The following ARHGAP44 variants were observed in gnomAD, a reference collection of about 807,000 sequenced individuals.
ARHGAP44 encodes Rho GTPase activating protein 44.
Under a neutral mutation model 106.8 loss-of-function variants are expected in ARHGAP44, and 43 were observed. The ratio of observed to expected loss-of-function variants is 0.40; its 90% CI spans 0.32 to 0.52. The LOEUF is 0.52. Ranked by LOEUF, ARHGAP44 falls within the 20% of genes least tolerant of loss-of-function variation. The probability of loss-of-function intolerance (pLI) is 0.48; values close to 1 mark genes in which losing one functional copy is unlikely to be tolerated. For missense variants in ARHGAP44, 866 were observed against 1,050.5 expected (o/e 0.82, Z 2.43); for synonymous variants, 439 against 410.3 (o/e 1.07, Z -0.85).
At chr17:12,889,998 G>A (rs1266867516) in intron 1 of ARHGAP44, among the ~76,000 whole-genome samples, 2 of 152,212 alleles carry the variant, frequency 1.3e-5, no homozygotes, top group African/African-American at 4.8e-5. Flanking sequence ...TGGAGGTTTT[G>A]ACCTCAAAGC....
chr17:12,883,838 C>T (rs1342625097), intron 1 of ARHGAP44, among the ~76,000 whole-genome samples: 1 of 151,998 alleles, frequency 6.6e-6, no homozygotes, highest in Non-Finnish European at 1.5e-5. Flanking sequence ...CTTTTCAAAT[C>T]CTCTATGTCC....
rs1165064524 is a variant in ARHGAP44, at chr17:12,989,119, A to AC, written c.2318-913_2318-912insC. ...CCCCCCCCAAAAAAAAAAAAAAAAA[A>AC]AAAAAACTAAGCAGGCGGAGGAAGG... On this transcript the variant is annotated intron_variant, in intron 20 of 20. Transcript: ENST00000379672. Among the ~76,000 whole-genome samples, 203 of 146,756 alleles carry AC rather than the reference A, an allele frequency of 1.4e-3. 1 individual carries two copies. Among genetic ancestry groups the AC allele is most frequent in the African/African-American group, 4.8e-3 (193 of 40,088 alleles).
rs1598173210 is a variant in ARHGAP44, at chr17:12,989,101, C to CGAAAAAAAAAA, written c.2318-931_2318-930insGAAAAAAAAAA. Among the ~76,000 whole-genome samples, 132 of 45,156 alleles carry CGAAAAAAAAAA rather than the reference C, an allele frequency of 2.9e-3. 4 individuals carry two copies. The highest frequency in any genetic ancestry group is 9.4e-3 in the African/African-American group (110 of 11,742). The allele number at this position is 45,156 out of a possible 152,430, so 29.6% of individuals were successfully genotyped here. A position where few individuals can be genotyped will look rare whatever the true frequency, so the allele number is the denominator to read the frequency against. On this transcript the variant is annotated intron_variant, in intron 20 of 20. Transcript: ENST00000379672. Reference sequence around the variant, plus strand: ...GACAAGAGCGAAACTCCACCCCCCCCAAAAAAAAAAAAAAAAAAAAAAAAC... The same window carrying CGAAAAAAAAAA: ...GACAAGAGCGAAACTCCACCCCCCCCGAAAAAAAAAAAAAAAAAAAAAAAAAAAAAAAAAAC...
chr17:12,989,574 AGAGT>A (rs1414834110), intron 20 of ARHGAP44, among the ~76,000 whole-genome samples: 1 of 152,174 alleles, frequency 6.6e-6, no homozygotes, highest in East Asian at 1.9e-4. Context: ...GCTGTTTCTT[AGAGT>A]GAGGACACTG....
At chr17:12,966,584 CG>C (rs1373845069) in intron 16 of ARHGAP44, among the ~76,000 whole-genome samples, 2 of 152,152 alleles carry the variant, frequency 1.3e-5, no homozygotes, top group Non-Finnish European at 2.9e-5. Flanking sequence ...CTTTGCTGTC[CG>C]GGACATCATC....
chr17:12,978,036 C>CAAAAAAAAAAAAAAAAAAAAAAA (rs1157325814), intron 18 of ARHGAP44, among the ~76,000 whole-genome samples: 7 of 89,296 alleles, frequency 7.8e-5, no homozygotes, highest in African/African-American at 2.4e-4. Flanking sequence ...GACTCCATCT[C>CAAAAAAAAAAAAAAAAAAAAAAA]AAAAAAAAAA....
intron 1 of ARHGAP44, among the ~76,000 whole-genome samples, chr17:12,841,634 AC>A (rs372870866): frequency 0.12 from 13,702 of 116,776 alleles, 731 homozygotes; most frequent in East Asian, 0.17. Context: ...ACACACACAC[AC>A]ACACAAACAA....
chr17:12,959,127 G>A (rs1658326031), intron 16 of ARHGAP44: 2 of 530,992 alleles, frequency 3.8e-6, no homozygotes, highest in Non-Finnish European at 6.8e-6. Flanking sequence ...GTTGTGATCA[G>A]TATTAATTAG....
intron 1 of ARHGAP44, among the ~76,000 whole-genome samples, chr17:12,865,377 A>C (rs1043786093): frequency 2.0e-5 from 3 of 152,208 alleles, no homozygotes; most frequent in East Asian, 3.8e-4. Context: ...TTACTCTTGT[A>C]ACTTATTAAG....
chr17:12,873,907 AAAT>A (rs2036473969), intron 1 of ARHGAP44, among the ~76,000 whole-genome samples: 1 of 31,876 alleles, frequency 3.1e-5, no homozygotes, highest in African/African-American at 8.0e-5. Context: ...CAGTCTCAAA[AAAT>A]AAATAAATAA....
chr17:12,836,864 A>G (rs1225225775), intron 1 of ARHGAP44, among the ~76,000 whole-genome samples: 3 of 152,212 alleles, frequency 2.0e-5, no homozygotes, highest in African/African-American at 7.2e-5. Context: ...TATTGATAGA[A>G]TCAGTTCACA....
intron 20 of ARHGAP44, chr17:12,987,371 C>T: frequency 2.1e-6 from 1 of 465,490 alleles, no homozygotes; most frequent in Non-Finnish European, 3.8e-6. Flanking sequence ...TTAGGAGGAG[C>T]TGGGGGAGAA....
intron 1 of ARHGAP44, among the ~76,000 whole-genome samples, chr17:12,840,194 A>G (rs2035350913): frequency 1.3e-5 from 2 of 152,012 alleles, no homozygotes; most frequent in Non-Finnish European, 2.9e-5. Context: ...GATCCCCATT[A>G]TTATGTATTG....
At chr17:12,846,919 T>C (rs1344580071) in intron 1 of ARHGAP44, among the ~76,000 whole-genome samples, 1 of 152,226 alleles carries the variant, frequency 6.6e-6, no homozygotes, top group East Asian at 1.9e-4. Context: ...AAAACTTTTG[T>C]GGTGCTGGAG....
intron 1 of ARHGAP44, among the ~76,000 whole-genome samples, chr17:12,886,933 G>A (rs1022624990): frequency 6.7e-6 from 1 of 148,702 alleles, no homozygotes; most frequent in African/African-American, 2.5e-5. Flanking sequence ...TGAAGTTGAG[G>A]AAGTTTCCCT....
chr17:12,851,083 T>A (rs2035725888), intron 1 of ARHGAP44, among the ~76,000 whole-genome samples: 1 of 152,232 alleles, frequency 6.6e-6, no homozygotes, highest in Admixed American at 6.5e-5. Flanking sequence ...TCTGTGCTCC[T>A]CAAGCATCAG....
intron 1 of ARHGAP44, among the ~76,000 whole-genome samples, chr17:12,804,135 C>T (rs1334858936): frequency 6.6e-6 from 1 of 152,126 alleles, no homozygotes; most frequent in Non-Finnish European, 1.5e-5. Flanking sequence ...GTTTCCCTGT[C>T]AAAATACAGG....
In ARHGAP44 at chr17:12,944,237, C is replaced by G. The variant is rs567102997; in HGVS notation, c.861+41C>G. 91 of 1,551,922 alleles carry G rather than the reference C, an allele frequency of 5.9e-5. 1 individual carries two copies. The highest frequency in any genetic ancestry group is 6.6e-5 in the Non-Finnish European group (76 of 1,147,400). On this transcript the variant is annotated intron_variant, in intron 10 of 20. Transcript: ENST00000379672. ...GCCACACGCCGCCCCGGGCAGGTCT[C>G]CTCTTCCACGAGACAGAGCTTACAG...
chr17:12,819,845 G>A (rs1278838417), intron 1 of ARHGAP44, among the ~76,000 whole-genome samples: 5 of 152,008 alleles, frequency 3.3e-5, no homozygotes, highest in Non-Finnish European at 7.4e-5. Context: ...TATTACCAAT[G>A]CTGCCCCCTC....
Sources: gnomAD v4.1 joint callset for allele counts (sites outside exome capture counted in the v4.1 genomes callset) on GRCh38, gnomAD v4.1.1 for gene constraint, MANE v1.5 for transcripts, NCBI Gene and HGNC (gene_info 2026-07-23, HGNC 2026-07-21) for gene names.